Variants in LHX8 observed in about 807,000 individuals in gnomAD.
LHX8 encodes LIM/homeobox protein Lhx8.
LHX8 carries 12 observed loss-of-function variants against 40.3 expected under a neutral mutation model. The observed-to-expected ratio is 0.30, with a 90% CI of 0.19 to 0.48. The LOEUF is 0.48. Among genes scored for constraint, LHX8 ranks in the 20% least tolerant of loss-of-function variants. The probability of loss-of-function intolerance (pLI) is 0.99; values close to 1 mark genes in which losing one functional copy is unlikely to be tolerated. For missense variants in LHX8, 344 were observed against 433.7 expected (o/e 0.79, Z 1.84); for synonymous variants, 179 against 162.0 (o/e 1.10, Z -0.80).
At chr1:75,128,768 A>G (rs1252705123) in intron 1 of LHX8, among the ~76,000 whole-genome samples, 3 of 152,212 alleles carry the variant, frequency 2.0e-5, no homozygotes, top group Non-Finnish European at 4.4e-5. Context: ...TTTAAATGTT[A>G]TAGATTAACT....
At chr1:75,195,327 C>A in the LHX8 span, among the ~76,000 whole-genome samples, 1 of 152,064 alleles carries the variant, frequency 6.6e-6, no homozygotes, top group Non-Finnish European at 1.5e-5. Context: ...CATGCCCATG[C>A]GCCCTTCCTC....
chr1:75,168,844 C>T, the LHX8 span, among the ~76,000 whole-genome samples: 13 of 152,220 alleles, frequency 8.5e-5, no homozygotes, highest in African/African-American at 3.1e-4. Context: ...CTTGTTTTAC[C>T]CTTGAAATGT....
the LHX8 span, among the ~76,000 whole-genome samples, chr1:75,196,546 C>A: frequency 1.6e-4 from 25 of 152,242 alleles, no homozygotes; most frequent in East Asian, 3.3e-3. Flanking sequence ...TATTAGAGTT[C>A]TTTCCTCCCA....
chr1:75,174,043 A>T, the LHX8 span, among the ~76,000 whole-genome samples: 3 of 152,156 alleles, frequency 2.0e-5, no homozygotes, highest in African/African-American at 7.2e-5. Context: ...AAAAGTCAGA[A>T]ATCTGAAACG....
At chr1:75,190,314 C>A in the LHX8 span, among the ~76,000 whole-genome samples, 1 of 152,056 alleles carries the variant, frequency 6.6e-6, no homozygotes, top group African/African-American at 2.4e-5. Flanking sequence ...TATTGCCATT[C>A]AGAATCATGC....
chr1:75,142,147 G>A (rs1364193563), intron 4 of LHX8, among the ~76,000 whole-genome samples: 1 of 152,066 alleles, frequency 6.6e-6, no homozygotes, highest in Non-Finnish European at 1.5e-5. Flanking sequence ...CCCTTTGAAA[G>A]GTTTGCTTTG....
At chr1:75,158,026 G>C (rs1648816496) in intron 8 of LHX8, among the ~76,000 whole-genome samples, 1 of 152,182 alleles carries the variant, frequency 6.6e-6, no homozygotes, top group Non-Finnish European at 1.5e-5. Context: ...ACCTTGACCA[G>C]CAGCAAGGTT....
the LHX8 span, among the ~76,000 whole-genome samples, chr1:75,189,625 T>C: frequency 1.3e-5 from 2 of 152,170 alleles, no homozygotes; most frequent in Non-Finnish European, 2.9e-5. Flanking sequence ...TTAGAAAATA[T>C]CTAATAGCCC....
downstream of LHX8, among the ~76,000 whole-genome samples, chr1:75,164,543 C>T (rs1345862655): frequency 2.0e-5 from 3 of 152,102 alleles, no homozygotes; most frequent in African/African-American, 2.4e-5. Flanking sequence ...GATTTCCCAC[C>T]AAATGTTGCA....
rs1410290957 is a variant in LHX8 at position 75,144,025 on chromosome 1, A to G, written c.684+77A>G. On this transcript the variant is annotated intron_variant, in intron 6 of 8. Coordinates refer to ENST00000356261, the MANE Select transcript of LHX8 (RefSeq NM_001256114.2). ...ACAAAAAGTAACCTCCATGCTGCCC[A>G]AAAACATTTTTATGTTTTCTAAAAA... 7.3e-6 allele frequency: 8 copies of G among 1,089,986 alleles called. No homozygotes were observed. The Admixed American group carries it at 1.6e-4, about 22-fold the overall frequency. The allele number at this position is 1,089,986 out of a possible 1,614,324, so 67.5% of individuals were successfully genotyped here. A position where few individuals can be genotyped will look rare whatever the true frequency, so the allele number is the denominator to read the frequency against.
chr1:75,196,709 GGAAA>G, the LHX8 span, among the ~76,000 whole-genome samples: 1 of 152,128 alleles, frequency 6.6e-6, no homozygotes, highest in Non-Finnish European at 1.5e-5. Flanking sequence ...ATTAAGAGAC[GGAAA>G]GAGATTGTTT....
chr1:75,192,397 A>T, the LHX8 span, among the ~76,000 whole-genome samples: 337 of 152,224 alleles, frequency 2.2e-3, 1 homozygote, highest in South Asian at 0.023. Context: ...ATCTCCTTGA[A>T]CCCAATTCCA....
intron 8 of LHX8, 67 bp from the exon 9 acceptor site, chr1:75,160,752 T>C: frequency 9.5e-7 from 1 of 1,048,758 alleles, no homozygotes; most frequent in Non-Finnish European, 1.5e-6. Flanking sequence ...GGATTGTTTT[T>C]GTTTGTTTAT....
chr1:75,187,525 CT>C, the LHX8 span, among the ~76,000 whole-genome samples: 1 of 152,138 alleles, frequency 6.6e-6, no homozygotes, highest in East Asian at 1.9e-4. Flanking sequence ...GGGGGGGTCC[CT>C]TTCCTTCTCA....
chr1:75,158,980 C>T (rs965925335), intron 8 of LHX8, among the ~76,000 whole-genome samples: 4 of 152,128 alleles, frequency 2.6e-5, no homozygotes, highest in Non-Finnish European at 5.9e-5. Context: ...TGAACTTTAG[C>T]ATGTCTTTCC....
upstream of LHX8, chr1:75,132,412 G>T (rs1265688719): frequency 6.6e-6 from 1 of 152,348 alleles, no homozygotes; most frequent in African/African-American, 2.4e-5. Context: ...GGACAGGTCA[G>T]CATCCCACAA....
chr1:75,147,861 T>TA (rs1300748632), intron 6 of LHX8, among the ~76,000 whole-genome samples: 1 of 152,194 alleles, frequency 6.6e-6, no homozygotes, highest in African/African-American at 2.4e-5. Flanking sequence ...TATCTTTTAT[T>TA]ATAGGTAGTC....
intron 7 of LHX8, among the ~76,000 whole-genome samples, chr1:75,154,544 G>T (rs530638190): frequency 1.3e-5 from 2 of 152,030 alleles, no homozygotes; most frequent in Non-Finnish European, 2.9e-5. Context: ...GTCCTCTGGC[G>T]TATGTGTCTT....
the LHX8 span, among the ~76,000 whole-genome samples, chr1:75,178,557 C>T: frequency 6.6e-6 from 1 of 151,952 alleles, no homozygotes; most frequent in African/African-American, 2.4e-5. Context: ...TTTGATTCTT[C>T]TCTCTTTTTT....
Sources: allele counts gnomAD v4.1 joint callset (sites outside exome capture counted in the v4.1 genomes callset), GRCh38; gene constraint gnomAD v4.1.1; transcripts MANE v1.5; gene names NCBI Gene and HGNC (gene_info 2026-07-23, HGNC 2026-07-21).